SGMS1: variants seen among roughly 807,000 people sequenced by gnomAD.
SGMS1 encodes the protein sphingomyelin synthase 1, also known as phosphatidylcholine:ceramide cholinephosphotransferase 1.
In SGMS1, 13 loss-of-function variants were observed where a neutral mutation model predicts 46.2. The ratio of observed to expected loss-of-function variants is 0.28; its 90% confidence interval spans 0.18 to 0.45. SGMS1 has a LOEUF of 0.45. Ranked by LOEUF, SGMS1 falls within the 20% of genes least tolerant of loss-of-function variation. SGMS1 has a pLI of 1.00. For missense variants in SGMS1, 324 were observed against 519.9 expected, an observed-to-expected ratio of 0.62 and a Z score of 3.66; for synonymous variants, 203 against 187.8, an observed-to-expected ratio of 1.08 and a Z score of -0.66.
chr10:50,487,990 TTTATTTA>T (rs1362561078), intron 3 of SGMS1, among the ~76,000 whole-genome samples: 62 of 43,990 alleles, frequency 1.4e-3, no homozygotes, highest in Non-Finnish European at 2.9e-3. Context: ...TTTTATTTTA[TTTATTTA>T]TTTATTTATT....
chr10:50,424,460 G>A (rs987012509), intron 6 of SGMS1, among the ~76,000 whole-genome samples: 12 of 152,160 alleles, frequency 7.9e-5, no homozygotes, highest in Admixed American at 2.6e-4. Context: ...CCTGTCTAAA[G>A]TGTTTTAACC....
intron 6 of SGMS1, among the ~76,000 whole-genome samples, chr10:50,351,381 G>A (rs1428574604): frequency 6.6e-6 from 1 of 152,196 alleles, no homozygotes; most frequent in Non-Finnish European, 1.5e-5. Flanking sequence ...GCTGAAATGA[G>A]TTAAGACTTT....
rs1838265696 is a variant in SGMS1, at chr10:50,563,936, AG to A, written c.-589+26216del. Among the ~76,000 whole-genome samples, 3 of 152,154 alleles carry A rather than the reference AG, an allele frequency of 2.0e-5. No homozygotes were observed. In the South Asian group the frequency reaches 6.2e-4, roughly 32 times the overall value. ...AGGAGCAGCCTGGATGATGGCTCCC[AG>A]GGCTCCCAGGCCAGTCCTTACACCA... On this transcript the variant is annotated intron_variant, in intron 2 of 10. Transcript: ENST00000361781.
chr10:50,350,180 C>T (rs1847982817), intron 6 of SGMS1, among the ~76,000 whole-genome samples: 1 of 152,150 alleles, frequency 6.6e-6, no homozygotes, highest in Admixed American at 6.5e-5. Flanking sequence ...AGCAAAGAGA[C>T]CGGAAGCATT....
intron 6 of SGMS1, among the ~76,000 whole-genome samples, chr10:50,347,667 A>T (rs574987605): frequency 4.9e-4 from 74 of 152,224 alleles, no homozygotes; most frequent in African/African-American, 1.7e-3. Context: ...GTTGAGGCCC[A>T]AGGGAGATGA....
chr10:50,384,618 T>A (rs994317142), intron 6 of SGMS1, among the ~76,000 whole-genome samples: 1 of 152,082 alleles, frequency 6.6e-6, no homozygotes, highest in African/African-American at 2.4e-5. Context: ...AGGTTATTTT[T>A]AATTTTATTT....
Position 50,510,108 on chromosome 10 carries a change from T to C in SGMS1, c.-498+9723A>G, listed in dbSNP as rs548037958. 6.6e-5 allele frequency among the ~76,000 whole-genome samples: 10 copies of C among 152,312 alleles called. No individual in the cohort carries two copies. In the South Asian group the frequency reaches 1.4e-3, roughly 22 times the overall value. On this transcript the variant is annotated intron_variant, in intron 3 of 10. Transcript: ENST00000361781. ...AGTCATGATCTATTTTCTAACCCTA[T>C]ACTCTTGCCTTTTCCAGAATGTCAT...
chr10:50,481,265 T>A (rs148561475), intron 3 of SGMS1, among the ~76,000 whole-genome samples: 1 of 152,220 alleles, frequency 6.6e-6, no homozygotes, highest in South Asian at 2.1e-4. Flanking sequence ...ATCACACACC[T>A]TATACAGGAG....
intron 5 of SGMS1, among the ~76,000 whole-genome samples, chr10:50,454,290 T>C (rs1299992483): frequency 6.6e-6 from 1 of 151,994 alleles, no homozygotes; most frequent in Non-Finnish European, 1.5e-5. Flanking sequence ...GTAAAGGCTT[T>C]TAAGAAGGGA....
At chr10:50,614,068 CCTAAA>C (rs1194029992) in intron 1 of SGMS1, among the ~76,000 whole-genome samples, 1 of 151,902 alleles carries the variant, frequency 6.6e-6, no homozygotes, top group Non-Finnish European at 1.5e-5. Context: ...TTTGTCTGTG[CCTAAA>C]TTCCTCCATG....
At chr10:50,611,943 G>A (rs2131930862) in intron 1 of SGMS1, among the ~76,000 whole-genome samples, 1 of 152,252 alleles carries the variant, frequency 6.6e-6, no homozygotes, top group African/African-American at 2.4e-5. Context: ...GAAGCTGTGG[G>A]CAAAGCCTGC....
chr10:50,366,041 G>C (rs991475978), intron 6 of SGMS1, among the ~76,000 whole-genome samples: 3 of 152,072 alleles, frequency 2.0e-5, no homozygotes, highest in African/African-American at 7.2e-5. Flanking sequence ...GGGTCAAATG[G>C]TGAAAAGCAA....
At chr10:50,614,323 TC>T (rs1838777418) in intron 1 of SGMS1, among the ~76,000 whole-genome samples, 1 of 152,226 alleles carries the variant, frequency 6.6e-6, no homozygotes. Context: ...CTGGACTGGC[TC>T]AGACACCCCT....
At chr10:50,545,268 GT>G (rs1417602914) in intron 2 of SGMS1, among the ~76,000 whole-genome samples, 1 of 152,130 alleles carries the variant, frequency 6.6e-6, no homozygotes, top group Non-Finnish European at 1.5e-5. Flanking sequence ...CTCCTTTCAG[GT>G]TTCTAGAGGC....
At chr10:50,493,150 A>T (rs181440418) in intron 3 of SGMS1, among the ~76,000 whole-genome samples, 1 of 152,366 alleles carries the variant, frequency 6.6e-6, no homozygotes, top group Non-Finnish European at 1.5e-5. Context: ...TAGAGAACCC[A>T]GAAATAAGAC....
At chr10:50,571,109 C>G (rs1488496521) in intron 2 of SGMS1, among the ~76,000 whole-genome samples, 1 of 152,220 alleles carries the variant, frequency 6.6e-6, no homozygotes, top group Non-Finnish European at 1.5e-5. Flanking sequence ...TTATCCCTTG[C>G]TGACCAAAGT....
chr10:50,448,415 T>TATA (rs1837052731), intron 5 of SGMS1, among the ~76,000 whole-genome samples: 1 of 152,096 alleles, frequency 6.6e-6, no homozygotes, highest in South Asian at 2.1e-4. Context: ...AAAACTCTAT[T>TATA]GCACACTAGA....
In SGMS1 at chr10:50,306,433, T is replaced by C. The variant is rs1039546217; in HGVS notation, c.*709A>G. 2 of 152,732 alleles carry C rather than the reference T, an allele frequency of 1.3e-5. No individual in the cohort carries two copies. The highest frequency in any genetic ancestry group is 3.8e-4 in the East Asian group (2 of 5,274). 9.5% of individuals were successfully genotyped at this position (152,732 alleles called of 1,614,324 possible). On this transcript the variant is annotated 3_prime_UTR_variant, in exon 11 of 11. Transcript: ENST00000361781. The stretch of plus-strand genomic sequence containing the variant: ...AGACAAATTTCTCTCCCAAGATGCA[T>C]TTTTAAATTTTAACTCTCTTCTCTC...
intron 7 of SGMS1, chr10:50,334,716 G>A (rs1266087482): frequency 3.3e-5 from 5 of 152,144 alleles, no homozygotes; most frequent in African/African-American, 1.2e-4. Context: ...CTAAACATGC[G>A]GAATACAGCA....
Sources: gnomAD v4.1 joint callset for allele counts (sites outside exome capture counted in the v4.1 genomes callset) on GRCh38, gnomAD v4.1.1 for gene constraint, MANE v1.5 for transcripts, NCBI Gene and HGNC (gene_info 2026-07-23, HGNC 2026-07-21) for gene names.